Variants in BANK1 observed in about 807,000 individuals in gnomAD.
BANK1 encodes the protein B-cell scaffold protein with ankyrin repeats.
In BANK1, 95 loss-of-function variants were observed where a neutral mutation model predicts 94.5. The ratio of observed to expected loss-of-function variants is 1.00; its 90% confidence interval spans 0.85 to 1.19. The LOEUF (loss-of-function observed/expected upper bound fraction) is 1.19, where lower values mean the gene tolerates loss of function less well. Among genes scored for constraint, BANK1 ranks in the 50% most tolerant of loss-of-function variants. The pLI, the probability that BANK1 is intolerant of heterozygous loss-of-function variation, is 0.00. For synonymous variants in BANK1, 334 were observed against 308.4 expected (o/e 1.08, Z -0.87); for missense variants, 987 against 932.2 (o/e 1.06, Z -0.77).
intron 7 of BANK1, among the ~76,000 whole-genome samples, chr4:102,003,744 A>T (rs1157060137): frequency 6.6e-6 from 1 of 152,084 alleles, no homozygotes; most frequent in Non-Finnish European, 1.5e-5. Context: ...GTTGAAGGAG[A>T]AGTAGAGGGC....
intron 7 of BANK1, among the ~76,000 whole-genome samples, chr4:101,929,891 AAAT>A (rs1247417400): frequency 6.6e-6 from 1 of 151,508 alleles, no homozygotes; most frequent in Non-Finnish European, 1.5e-5. Flanking sequence ...TAGTTACAAG[AAAT>A]AATGATATAT....
At chr4:101,939,199 G>A (rs992530858) in intron 7 of BANK1, among the ~76,000 whole-genome samples, 1 of 151,674 alleles carries the variant, frequency 6.6e-6, no homozygotes, top group African/African-American at 2.4e-5. Flanking sequence ...ATGTTTTAAA[G>A]GGGATGAAGT....
intron 10 of BANK1, among the ~76,000 whole-genome samples, chr4:102,035,907 A>T (rs1211196334): frequency 1.3e-5 from 2 of 152,146 alleles, no homozygotes; most frequent in African/African-American, 4.8e-5. Context: ...ACATGGATGT[A>T]TGGTCTTTAG....
chr4:101,847,599 A>G (rs911144687), intron 2 of BANK1, among the ~76,000 whole-genome samples: 1 of 152,070 alleles, frequency 6.6e-6, no homozygotes, highest in Non-Finnish European at 1.5e-5. Context: ...CTTAGCTCCC[A>G]GATATCATTG....
intron 6 of BANK1, among the ~76,000 whole-genome samples, chr4:101,902,511 AT>A (rs1441322823): frequency 7.2e-5 from 11 of 152,322 alleles, no homozygotes; most frequent in African/African-American, 2.6e-4. Flanking sequence ...ATTTTAAAAT[AT>A]TTTTAAAGTA....
chr4:102,044,211 G>C (rs1185405497), intron 11 of BANK1, among the ~76,000 whole-genome samples: 4 of 152,000 alleles, frequency 2.6e-5, no homozygotes, highest in African/African-American at 9.7e-5. Context: ...TCCCCAGAGT[G>C]TGATATTCCC....
At chr4:101,934,701 A>C (rs1245644523) in intron 7 of BANK1, among the ~76,000 whole-genome samples, 1 of 151,584 alleles carries the variant, frequency 6.6e-6, no homozygotes, top group African/African-American at 2.4e-5. Context: ...CCTGTAAACT[A>C]TCAGAACAAT....
intron 5 of BANK1, among the ~76,000 whole-genome samples, chr4:101,894,784 A>G (rs1280712784): frequency 6.6e-6 from 1 of 151,996 alleles, no homozygotes; most frequent in Non-Finnish European, 1.5e-5. Context: ...AGAGTAGAAT[A>G]TAGTTACTCT....
intron 5 of BANK1, among the ~76,000 whole-genome samples, chr4:101,873,325 G>A (rs919023988): frequency 1.3e-5 from 2 of 152,180 alleles, no homozygotes; most frequent in Non-Finnish European, 2.9e-5. Context: ...AAATTTTAAT[G>A]GCAGATGTGA....
chr4:101,909,418 G>A (rs1722581741), intron 6 of BANK1, among the ~76,000 whole-genome samples: 1 of 152,138 alleles, frequency 6.6e-6, no homozygotes, highest in South Asian at 2.1e-4. Context: ...AGGAGGGATA[G>A]CATTAGGAGA....
intron 7 of BANK1, among the ~76,000 whole-genome samples, chr4:101,929,567 C>T (rs772535941): frequency 2.0e-4 from 30 of 151,534 alleles, no homozygotes; most frequent in Non-Finnish European, 3.4e-4. Flanking sequence ...ATCAAATTTT[C>T]TCCTTAAATG....
intron 6 of BANK1, among the ~76,000 whole-genome samples, chr4:101,902,914 C>A (rs1051341921): frequency 6.6e-6 from 1 of 152,186 alleles, no homozygotes; most frequent in African/African-American, 2.4e-5. Flanking sequence ...CTGCTGTTTG[C>A]AGTTGGGTAA....
chr4:101,944,183 T>C (rs1723853408), intron 7 of BANK1, among the ~76,000 whole-genome samples: 1 of 151,884 alleles, frequency 6.6e-6, no homozygotes, highest in Admixed American at 6.6e-5. Flanking sequence ...TCGAGAAATT[T>C]TAGCATATGG....
intron 7 of BANK1, among the ~76,000 whole-genome samples, chr4:101,931,944 A>G (rs1723363933): frequency 6.6e-6 from 1 of 151,472 alleles, no homozygotes; most frequent in African/African-American, 2.4e-5. Flanking sequence ...GGAGTAACTA[A>G]CTAAAGTTGT....
rs1725675682 is a variant in BANK1 at position 101,990,773 on chromosome 4, A to G, written c.1207-30741A>G. On this transcript the variant is annotated intron_variant, in intron 7 of 16. Coordinates refer to ENST00000322953, the MANE Select transcript of BANK1 (RefSeq NM_017935.5). ...ATATTTTGAAACATTCAACATCATCAAAATATAAGTTCTTTATGCAGAAAA... is the reference window on the plus strand; with the variant it reads ...ATATTTTGAAACATTCAACATCATCGAAATATAAGTTCTTTATGCAGAAAA... 2.0e-5 allele frequency among the ~76,000 whole-genome samples: 3 copies of G among 152,174 alleles called. No homozygotes were observed. The South Asian group carries it at 6.2e-4, about 31-fold the overall frequency.
chr4:101,792,255 T>TCCCC (rs771698917), intron 1 of BANK1, among the ~76,000 whole-genome samples: 3 of 128,750 alleles, frequency 2.3e-5, no homozygotes, highest in African/African-American at 2.8e-5. Flanking sequence ...TGCATTCCGC[T>TCCCC]CCCCCCCCGC....
chr4:101,852,290 T>A (rs1727506871), intron 2 of BANK1, among the ~76,000 whole-genome samples: 1 of 151,518 alleles, frequency 6.6e-6, no homozygotes, highest in Admixed American at 6.6e-5. Context: ...ATTCCTCTAC[T>A]TGAATTAAAT....
intron 7 of BANK1, among the ~76,000 whole-genome samples, chr4:101,962,440 A>G (rs1724603548): frequency 6.6e-6 from 1 of 152,086 alleles, no homozygotes. Flanking sequence ...TCTCATCTTT[A>G]TGTAGATGAC....
At chr4:101,869,349 G>A (rs912112867) in intron 4 of BANK1, among the ~76,000 whole-genome samples, 14 of 151,944 alleles carry the variant, frequency 9.2e-5, no homozygotes, top group Admixed American at 9.2e-4. Context: ...GATGAGATGT[G>A]CTTTAAAACT....
Sources: allele counts gnomAD v4.1 joint callset (sites outside exome capture counted in the v4.1 genomes callset), GRCh38; gene constraint gnomAD v4.1.1; transcripts MANE v1.5; gene names NCBI Gene and HGNC (gene_info 2026-07-23, HGNC 2026-07-21).